ASCC3: variants seen among roughly 807,000 people sequenced by gnomAD.
ASCC3 encodes activating signal cointegrator 1 complex subunit 3, also known as ASC-1 complex subunit P200.
A neutral mutation model predicts 256.3 loss-of-function variants in ASCC3; 158 were observed. The ratio of observed to expected loss-of-function variants is 0.62; its 90% CI spans 0.54 to 0.70. The LOEUF is 0.70. ASCC3 is among the 30% of genes least tolerant of loss of function. The probability of loss-of-function intolerance (pLI) is 0.00; values close to 1 mark genes in which losing one functional copy is unlikely to be tolerated. For missense variants in ASCC3, 2,259 were observed against 2,626.0 expected, an observed-to-expected ratio of 0.86 and a Z score of 3.05; for synonymous variants, 948 against 883.4, an observed-to-expected ratio of 1.07 and a Z score of -1.30.
intron 30 of ASCC3, among the ~76,000 whole-genome samples, chr6:100,607,598 T>C (rs1415505353): frequency 1.3e-5 from 2 of 152,046 alleles, no homozygotes; most frequent in African/African-American, 2.4e-5. Context: ...GCCTGTTTCT[T>C]TAACTGTAAA....
intron 8 of ASCC3, among the ~76,000 whole-genome samples, chr6:100,787,671 T>C (rs530059853): frequency 4.3e-4 from 65 of 152,246 alleles, no homozygotes; most frequent in African/African-American, 1.4e-3. Flanking sequence ...CCTGTATGTA[T>C]ATGATCAACT....
intron 16 of ASCC3, among the ~76,000 whole-genome samples, chr6:100,658,931 A>G (rs1314474333): frequency 6.6e-6 from 1 of 151,564 alleles, no homozygotes; most frequent in Non-Finnish European, 1.5e-5. Context: ...TCTGATGAAT[A>G]AATTTTAATA....
intron 29 of ASCC3, among the ~76,000 whole-genome samples, chr6:100,626,525 GTACTT>G (rs1214872557): frequency 3.9e-5 from 6 of 151,990 alleles, no homozygotes; most frequent in Admixed American, 3.9e-4. Flanking sequence ...GGAAGTGTAA[GTACTT>G]TAGTTATTTA....
intron 13 of ASCC3, among the ~76,000 whole-genome samples, chr6:100,691,892 C>T (rs887022076): frequency 6.6e-6 from 1 of 151,500 alleles, no homozygotes; most frequent in African/African-American, 2.4e-5. Context: ...GGCAAGTTCA[C>T]CCGCACTTCA....
intron 1 of ASCC3, among the ~76,000 whole-genome samples, chr6:100,880,155 C>A (rs190265390): frequency 6.6e-6 from 1 of 151,994 alleles, no homozygotes; most frequent in African/African-American, 2.4e-5. Flanking sequence ...AGCTTAAGAG[C>A]ATCTTTAAGG....
At chr6:100,813,636 C>T (rs1330927385) in intron 4 of ASCC3, among the ~76,000 whole-genome samples, 3 of 151,630 alleles carry the variant, frequency 2.0e-5, no homozygotes, top group Non-Finnish European at 4.4e-5. Context: ...TTTGTGTGTG[C>T]GTGTATGTGT....
intron 23 of ASCC3, 49 bp from the exon 24 acceptor site, chr6:100,642,798 AAGGCCTTATT>A (rs965650820): frequency 1.1e-5 from 16 of 1,487,322 alleles, no homozygotes; most frequent in Non-Finnish European, 1.5e-5. Context: ...TAATAGCATA[AAGGCCTTATT>A]AGTCTATTGT....
intron 30 of ASCC3, among the ~76,000 whole-genome samples, chr6:100,608,481 ATATATATACTTTATATATATATACTT>A (rs1562162630): frequency 0.028 from 259 of 9,372 alleles, 106 homozygotes; most frequent in Non-Finnish European, 0.036. Context: ...TATATACTTT[ATATATATACTTTATATATATATACTT>A]TATATATATA....
intron 13 of ASCC3, among the ~76,000 whole-genome samples, chr6:100,683,484 TA>T (rs889142729): frequency 6.6e-5 from 10 of 152,140 alleles, no homozygotes; most frequent in Admixed American, 6.5e-4. Flanking sequence ...TTTTTTTAAT[TA>T]AAAATTTCAT....
chr6:100,567,402 G>C (rs1284936336), intron 36 of ASCC3, among the ~76,000 whole-genome samples: 1 of 152,046 alleles, frequency 6.6e-6, no homozygotes, highest in African/African-American at 2.4e-5. Context: ...TCATTGCATA[G>C]ATGTACCTTA....
At chr6:100,765,469 C>G (rs577023589) in intron 10 of ASCC3, among the ~76,000 whole-genome samples, 2 of 152,278 alleles carry the variant, frequency 1.3e-5, no homozygotes, top group South Asian at 4.1e-4. Context: ...AAACCTTGGT[C>G]TCCACATTCC....
At chr6:100,833,446 CT>C (rs1264729433) in intron 4 of ASCC3, among the ~76,000 whole-genome samples, 5 of 152,088 alleles carry the variant, frequency 3.3e-5, no homozygotes, top group Non-Finnish European at 7.4e-5. Flanking sequence ...CTTCTGTAAT[CT>C]TACGGTAAAC....
At chr6:100,768,677 T>C (rs929566951) in intron 8 of ASCC3, among the ~76,000 whole-genome samples, 7 of 152,070 alleles carry the variant, frequency 4.6e-5, no homozygotes, top group African/African-American at 1.2e-4. Flanking sequence ...CAAGGAGGCA[T>C]GAAAATCAGC....
At position 100,875,591 on chromosome 6, in the gene ASCC3, A is replaced by C. The variant is rs144715302; in HGVS notation, c.-42+5470T>G. The stretch of plus-strand genomic sequence containing the variant: ...TGTACTCCATTTCAAAAGCTGCATG[A>C]ATGCCCATTCATGCACTCCACCCCT... On this transcript the variant is annotated intron_variant, in intron 1 of 41. Coordinates refer to ENST00000369162, the MANE Select transcript of ASCC3 (RefSeq NM_006828.4). 3.9e-3 allele frequency among the ~76,000 whole-genome samples: 599 copies of C among 152,298 alleles called. 15 individuals carry two copies. The highest frequency in any genetic ancestry group is 9.0e-4 in the Non-Finnish European group (61 of 68,026).
intron 11 of ASCC3, among the ~76,000 whole-genome samples, chr6:100,721,981 C>T (rs113958343): frequency 0.036 from 5,508 of 151,840 alleles, 142 homozygotes; most frequent in Middle Eastern, 0.054. Flanking sequence ...ACATTTAAAT[C>T]TTTAATCCAT....
At chr6:100,738,295 T>C (rs1049907935) in intron 10 of ASCC3, among the ~76,000 whole-genome samples, 1 of 152,238 alleles carries the variant, frequency 6.6e-6, no homozygotes, top group African/African-American at 2.4e-5. Flanking sequence ...TATTTGCCTG[T>C]GCCTATGTCC....
At chr6:100,762,812 G>C (rs1290068222) in intron 10 of ASCC3, among the ~76,000 whole-genome samples, 2 of 151,942 alleles carry the variant, frequency 1.3e-5, no homozygotes, top group African/African-American at 4.8e-5. Flanking sequence ...AAGCAATAAA[G>C]AACCAATGAA....
intron 37 of ASCC3, among the ~76,000 whole-genome samples, chr6:100,536,831 G>T (rs796144650): frequency 6.6e-6 from 1 of 152,102 alleles, no homozygotes; most frequent in Non-Finnish European, 1.5e-5. Context: ...CAAAATGGCC[G>T]ATTCCAAAGC....
At chr6:100,732,653 G>T (rs1251807541) in intron 10 of ASCC3, among the ~76,000 whole-genome samples, 1 of 141,236 alleles carries the variant, frequency 7.1e-6, no homozygotes, top group African/African-American at 2.6e-5. Context: ...GTCCTTAGAT[G>T]TGTGTCTATG....
Sources: gnomAD v4.1 joint callset for allele counts (sites outside exome capture counted in the v4.1 genomes callset) on GRCh38, gnomAD v4.1.1 for gene constraint, MANE v1.5 for transcripts, NCBI Gene and HGNC (gene_info 2026-07-23, HGNC 2026-07-21) for gene names.